The following PAX4 variants were observed in gnomAD, a reference collection of about 807,000 sequenced individuals.
PAX4 encodes paired box 4.
Under a neutral mutation model 40.6 loss-of-function variants are expected in PAX4, and 33 were observed. The ratio of observed to expected loss-of-function variants is 0.81; its 90% CI spans 0.62 to 1.09. The LOEUF (loss-of-function observed/expected upper bound fraction) is 1.09, where lower values mean the gene tolerates loss of function less well. PAX4 is among the 50% of genes least tolerant of loss of function. The pLI is 0.00. For missense variants in PAX4, 459 were observed against 442.5 expected, an observed-to-expected ratio of 1.04 and a Z score of -0.33; for synonymous variants, 174 against 170.6, an observed-to-expected ratio of 1.02 and a Z score of -0.16.
chr7:127,616,850 C>T (rs1222831775), intron 2 of PAX4, among the ~76,000 whole-genome samples: 3 of 152,206 alleles, frequency 2.0e-5, no homozygotes, highest in Admixed American at 1.3e-4. Flanking sequence ...AACATAGAAA[C>T]CGTCATGAGC....
At chr7:127,611,443 T>A in intron 11 of PAX4, 92 bp downstream of exon 11, 1 of 1,596,982 alleles carries the variant, frequency 6.3e-7, no homozygotes, top group Admixed American at 1.7e-5. Flanking sequence ...ATTCCTTTGA[T>A]GACCCCCAAT....
In PAX4 at chr7:127,611,636, A is replaced by C; in HGVS notation, c.812T>G (p.Leu271Arg). ...ATAGCAGGAGGGACCCAGTGGTTCC[A>C]GGGCAGGCAGGGCTGCTGTGGGCAC... is the stretch of plus-strand genomic sequence containing the variant. ...GSVPTAALPALEPLGPSCYQL... is the reference protein window; with the variant it reads ...GSVPTAALPAREPLGPSCYQL... The change falls in exon 11 of 12, where the codon CTG becomes CGG. Residue 271 changes from leucine to arginine, a missense_variant. Transcript: ENST00000639438. 6.2e-7 allele frequency: 1 copy of C among 1,613,592 alleles called. No homozygotes were observed. Among genetic ancestry groups the C allele is most frequent in the Non-Finnish European group, 8.5e-7 (1 of 1,179,958 alleles).
intron 1 of PAX4, among the ~76,000 whole-genome samples, 160 bp from the exon 2 acceptor site, chr7:127,617,560 T>C (rs1290254944): frequency 6.6e-6 from 1 of 152,134 alleles, no homozygotes; most frequent in East Asian, 1.9e-4. Flanking sequence ...AAGCAGGGAC[T>C]GTAAAGGGCT....
In PAX4 at chr7:127,610,842, C is replaced by A; in HGVS notation, c.*222G>T. On this transcript the variant is annotated 3_prime_UTR_variant, in exon 12 of 12. Transcript: ENST00000639438. ...AGCTTTTATTACTGCTGAGTGGAGG[C>A]CTCTTAAGGCTAGTGTGAGAAGTGG... is the stretch of plus-strand genomic sequence containing the variant. 1.3e-6 allele frequency: 2 copies of A among 1,532,328 alleles called. No homozygotes were observed. The highest frequency in any genetic ancestry group is 1.8e-6 in the Non-Finnish European group (2 of 1,142,498). The allele number at this position is 1,532,328 out of a possible 1,614,324, so 94.9% of individuals were successfully genotyped here. A position where few individuals can be genotyped will look rare whatever the true frequency, so the allele number is the denominator to read the frequency against.
chr7:127,617,593 C>T (rs1227610357), intron 1 of PAX4, among the ~76,000 whole-genome samples, 193 bp from the exon 2 acceptor site: 1 of 152,120 alleles, frequency 6.6e-6, no homozygotes, highest in African/African-American at 2.4e-5. Flanking sequence ...GGTGAAGGAG[C>T]TCAAAATATC....
At position 127,610,564 on chromosome 7, in the gene PAX4, TGTGTGTGC is replaced by T. The variant is rs1329071970; in HGVS notation, c.*492_*499del. 1.0e-5 allele frequency: 3 copies of T among 289,544 alleles called. No homozygotes were observed. The highest frequency in any genetic ancestry group is 6.1e-5 in the Admixed American group (1 of 16,476). The allele number at this position is 289,544 out of a possible 1,614,324, so 17.9% of individuals were successfully genotyped here. ...TAATGTCAGTGTGTGTGTGTGTGTG[TGTGTGTGC>T]GCGCACGCATGCACGCATACATAAT... On this transcript the variant is annotated 3_prime_UTR_variant, in exon 12 of 12. Coordinates refer to ENST00000639438, the MANE Select transcript of PAX4 (RefSeq NM_001366110.1).
intron 9 of PAX4, among the ~76,000 whole-genome samples, chr7:127,612,596 T>C (rs1022522644): frequency 1.3e-5 from 2 of 149,892 alleles, no homozygotes; most frequent in African/African-American, 4.9e-5. Context: ...GATGGATAAA[T>C]GGATGGATGG....
chr7:127,611,923 A>C, intron 10 of PAX4, 22 bp downstream of exon 10: 1 of 1,613,490 alleles, frequency 6.2e-7, no homozygotes. Flanking sequence ...CAGGGCACAG[A>C]CTCCCCTCTC....
At chr7:127,615,372 A>G (rs768474025) in intron 4 of PAX4, 29 bp downstream of exon 4, 31 of 1,613,928 alleles carry the variant, frequency 1.9e-5, no homozygotes, top group Non-Finnish European at 2.5e-5. Context: ...TCCTGTCCCC[A>G]TCACTGGGTA....
Position 127,610,714 on chromosome 7 carries a change from T to A in PAX4, c.*350A>T, listed in dbSNP as rs1587548032. 4 of 651,384 alleles carry A rather than the reference T, an allele frequency of 6.1e-6. No individual in the cohort carries two copies. The East Asian group carries it at 1.1e-4, about 18-fold the overall frequency. 40.4% of individuals were successfully genotyped at this position (651,384 alleles called of 1,614,324 possible). A position where few individuals can be genotyped will look rare whatever the true frequency, so the allele number is the denominator to read the frequency against. ...TAGATGGTAGATACATAGATGTAAA[T>A]AAATGATAGGGCAAATTGTCTATAA... On this transcript the variant is annotated 3_prime_UTR_variant, in exon 12 of 12. Coordinates refer to ENST00000639438, the MANE Select transcript of PAX4 (RefSeq NM_001366110.1).
chr7:127,614,276 A>G (rs921549770), intron 6 of PAX4, among the ~76,000 whole-genome samples: 1 of 152,118 alleles, frequency 6.6e-6, no homozygotes, highest in Non-Finnish European at 1.5e-5. Context: ...AGGGCCTGCC[A>G]TCAACTAGGT....
At chr7:127,615,706 T>C in intron 3 of PAX4, 175 bp from the exon 4 acceptor site, 4 of 1,512,936 alleles carry the variant, frequency 2.6e-6, no homozygotes, top group South Asian at 1.3e-5. Flanking sequence ...CTTTGAGAGC[T>C]GGCTCACGGG....
rs1794629052 is a variant in PAX4 at position 127,611,731 on chromosome 7, G to A, written c.772-55C>T. On this transcript the variant is annotated intron_variant, in intron 10 of 11. Transcript: ENST00000639438. Reference sequence around the variant, plus strand: ...AGCTTCCAGTGATGCCTCCTGTAGAGAACGCCGGGACCCCAGAGCTGCCTG... The same window carrying A: ...AGCTTCCAGTGATGCCTCCTGTAGAAAACGCCGGGACCCCAGAGCTGCCTG... The A allele has an allele frequency of 3.1e-6, 5 of 1,603,228 alleles. No homozygotes were observed. The East Asian group carries it at 1.1e-4, about 36-fold the overall frequency.
chr7:127,612,847 T>A (rs1028694742), intron 9 of PAX4, among the ~76,000 whole-genome samples, 175 bp downstream of exon 9: 2 of 146,058 alleles, frequency 1.4e-5, no homozygotes, highest in Non-Finnish European at 3.0e-5. Context: ...GGGTGGATGA[T>A]GAATGGATGA....
intron 4 of PAX4, 142 bp from the exon 5 acceptor site, chr7:127,615,237 A>G: frequency 1.3e-6 from 2 of 1,591,016 alleles, no homozygotes; most frequent in Non-Finnish European, 1.7e-6. Context: ...CTCACCTTTG[A>G]GGGCCTGAGG....
In PAX4 at chr7:127,613,748, C is replaced by G. The variant is rs1408988124; in HGVS notation, c.562+8G>C. On this transcript the variant is annotated splice_region_variant and intron_variant, in intron 7 of 11. Transcript: ENST00000639438. ...CTCTCTGACCCTCCATCTGTCCCAGCCCAGCACCTTTCTCCAGTGCCTCTG... is the reference window on the plus strand; with the variant it reads ...CTCTCTGACCCTCCATCTGTCCCAGGCCAGCACCTTTCTCCAGTGCCTCTG... The G allele has an allele frequency of 4.3e-6, 7 of 1,613,896 alleles. No homozygotes were observed. The East Asian group carries it at 1.6e-4, about 36-fold the overall frequency.
At chr7:127,612,069 G>A in intron 9 of PAX4, 69 bp from the exon 10 acceptor site, 8 of 1,473,434 alleles carry the variant, frequency 5.4e-6, no homozygotes, top group Non-Finnish European at 7.5e-6. Flanking sequence ...TGTGGTGAGA[G>A]GCAGGAAGGT....
chr7:127,610,737 T>C lies in PAX4; in HGVS notation c.*327A>G. ...AATAAATGATAGGGCAAATTGTCTA[T>C]AATTGTTGAATATTAGAGTGGGCAT... is the stretch of plus-strand genomic sequence containing the variant. On this transcript the variant is annotated 3_prime_UTR_variant, in exon 12 of 12. Coordinates refer to ENST00000639438, the MANE Select transcript of PAX4 (RefSeq NM_001366110.1). 5.5e-6 allele frequency: 4 copies of C among 731,670 alleles called. No individual in the cohort carries two copies. The highest frequency in any genetic ancestry group is 2.7e-4 in the Middle Eastern group (1 of 3,668). 45.3% of individuals were successfully genotyped at this position (731,670 alleles called of 1,614,324 possible).
Position 127,614,946 on chromosome 7 carries a change from G to C in PAX4, c.294C>G (p.Leu98=), listed in dbSNP as rs1794699776. The change falls in exon 5 of 12, where the codon CTC becomes CTG. Residue 98 remains leucine (L), a synonymous_variant. Coordinates refer to ENST00000639438, the MANE Select transcript of PAX4 (RefSeq NM_001366110.1). ...GCTGGCGTTGGATTTCCCAGGCAAA[G>C]AGGGCTGGACACTCACCCTTCAGCT... ...IAQLKGECPA[L]FAWEIQRQLC... is the part of the protein sequence containing the mutation. The C allele has an allele frequency of 6.2e-7, 1 of 1,614,102 alleles. No homozygotes were observed.
Sources: gnomAD v4.1 joint callset for allele counts (sites outside exome capture counted in the v4.1 genomes callset) on GRCh38, gnomAD v4.1.1 for gene constraint, MANE v1.5 for transcripts, NCBI Gene and HGNC (gene_info 2026-07-23, HGNC 2026-07-21) for gene names.